The following CTNNA3 variants were observed in gnomAD, a reference collection of about 807,000 sequenced individuals.
CTNNA3 encodes catenin alpha 3, also known as catenin alpha-3.
CTNNA3 carries 76 observed loss-of-function variants against 95.7 expected under a neutral mutation model. The observed-to-expected ratio is 0.79, with a 90% confidence interval of 0.66 to 0.96. The LOEUF is 0.96. Ranked by LOEUF, CTNNA3 falls within the 40% of genes least tolerant of loss-of-function variation. The pLI, the probability that CTNNA3 is intolerant of heterozygous loss-of-function variation, is 0.00. For missense variants in CTNNA3, 1,191 were observed against 1,089.8 expected (o/e 1.09, Z -1.31); for synonymous variants, 431 against 374.4 (o/e 1.15, Z -1.74).
chr10:66,744,765 G>T (rs1237039253), intron 9 of CTNNA3, among the ~76,000 whole-genome samples: 2 of 152,086 alleles, frequency 1.3e-5, no homozygotes, highest in African/African-American at 2.4e-5. Context: ...ATGGCATAGA[G>T]AAAAATAATC....
At chr10:67,064,920 G>A (rs1032852703) in intron 7 of CTNNA3, among the ~76,000 whole-genome samples, 1 of 152,100 alleles carries the variant, frequency 6.6e-6, no homozygotes, top group Non-Finnish European at 1.5e-5. Context: ...GTTATATGAG[G>A]CAAGAAGAAC....
At chr10:66,670,493 T>C (rs1846621812) in intron 9 of CTNNA3, among the ~76,000 whole-genome samples, 1 of 152,084 alleles carries the variant, frequency 6.6e-6, no homozygotes, top group Non-Finnish European at 1.5e-5. Context: ...CCTTCCTCCA[T>C]CTTAAAGGCA....
At chr10:67,007,727 G>A (rs775976484) in intron 7 of CTNNA3, among the ~76,000 whole-genome samples, 11 of 151,372 alleles carry the variant, frequency 7.3e-5, no homozygotes, top group Non-Finnish European at 1.2e-4. Context: ...TAGTAGAAAG[G>A]TTCTATTCCA....
Position 66,958,308 on chromosome 10 carries a change from CAAAAAAA to C in CTNNA3, c.1048-182791_1048-182785del, listed in dbSNP as rs35076056. Among the ~76,000 whole-genome samples, 359 of 86,932 alleles carry C rather than the reference CAAAAAAA, an allele frequency of 4.1e-3. 10 individuals are homozygous for C. The East Asian group carries it at 0.062, about 15-fold the overall frequency. The allele number at this position is 86,932 out of a possible 152,430, so 57.0% of individuals were successfully genotyped here. A position where few individuals can be genotyped will look rare whatever the true frequency, so the allele number is the denominator to read the frequency against. ...TTTTTTTCCTCCACCTGCTTTCTTGCAAAAAAAAAAAAAAAAAAAAAAAAAATGCCTG... is the reference window on the plus strand; with the variant it reads ...TTTTTTTCCTCCACCTGCTTTCTTGCAAAAAAAAAAAAAAAAAAATGCCTG... On this transcript the variant is annotated intron_variant, in intron 7 of 17. Coordinates refer to ENST00000433211, the MANE Select transcript of CTNNA3 (RefSeq NM_013266.4).
chr10:66,950,231 T>G (rs1368218423), intron 7 of CTNNA3, among the ~76,000 whole-genome samples: 1 of 152,178 alleles, frequency 6.6e-6, no homozygotes. Context: ...TCTTCCCCAT[T>G]CAACTCTAAT....
At chr10:65,954,259 T>C (rs1244322851) in intron 17 of CTNNA3, among the ~76,000 whole-genome samples, 1 of 152,252 alleles carries the variant, frequency 6.6e-6, no homozygotes, top group East Asian at 1.9e-4. Flanking sequence ...TAAATTTGTT[T>C]AAGTTCTTTG....
chr10:67,207,246 A>G (rs73262302), intron 6 of CTNNA3, among the ~76,000 whole-genome samples: 7,340 of 152,264 alleles, frequency 0.048, 217 homozygotes, highest in South Asian at 0.11. Context: ...ATGAAATAAT[A>G]AGATCTAGCA....
chr10:66,587,953 C>A (rs1455442596), intron 10 of CTNNA3, among the ~76,000 whole-genome samples: 1 of 152,156 alleles, frequency 6.6e-6, no homozygotes, highest in Non-Finnish European at 1.5e-5. Flanking sequence ...CAGGGTTTAT[C>A]CTCACTCAAG....
chr10:66,524,069 T>A (rs1841162801), intron 10 of CTNNA3, among the ~76,000 whole-genome samples: 1 of 152,162 alleles, frequency 6.6e-6, no homozygotes, highest in African/African-American at 2.4e-5. Context: ...GTGACTGTTT[T>A]TAGAGCTGAA....
At chr10:66,925,971 TGCCCATAATGTTCTTCACCACTG>T in intron 7 of CTNNA3, 1 of 456,318 alleles carries the variant, frequency 2.2e-6, no homozygotes. Flanking sequence ...TTTCTGCACA[TGCCCATAATGTTCTTCACCACTG>T]GGGGCAGCTT....
intron 7 of CTNNA3, among the ~76,000 whole-genome samples, chr10:67,142,600 G>C (rs1860625288): frequency 6.6e-6 from 1 of 152,092 alleles, no homozygotes; most frequent in Non-Finnish European, 1.5e-5. Context: ...TAAGTGTGCG[G>C]AGCATTATGC....
At chr10:67,013,214 C>T (rs926174524) in intron 7 of CTNNA3, among the ~76,000 whole-genome samples, 12 of 151,444 alleles carry the variant, frequency 7.9e-5, no homozygotes, top group African/African-American at 2.2e-4. Flanking sequence ...CTGTCAAATG[C>T]ATCTGGTGTC....
intron 10 of CTNNA3, among the ~76,000 whole-genome samples, chr10:66,580,092 A>G (rs1023056112): frequency 3.3e-5 from 5 of 150,244 alleles, no homozygotes; most frequent in Non-Finnish European, 7.4e-5. Context: ...TTATTTTTCA[A>G]TGGACTGGTT....
intron 9 of CTNNA3, among the ~76,000 whole-genome samples, chr10:66,712,241 A>C (rs1020447977): frequency 6.6e-6 from 1 of 152,172 alleles, no homozygotes; most frequent in African/African-American, 2.4e-5. Flanking sequence ...GATTCACAAT[A>C]AAGACAGGGA....
At chr10:66,094,991 A>T (rs1358670030) in intron 14 of CTNNA3, among the ~76,000 whole-genome samples, 1 of 152,138 alleles carries the variant, frequency 6.6e-6, no homozygotes, top group Non-Finnish European at 1.5e-5. Flanking sequence ...GGAATGTAAG[A>T]GTTTGAGTAG....
chr10:67,278,046 G>C (rs1375210714), intron 5 of CTNNA3, among the ~76,000 whole-genome samples: 1 of 152,012 alleles, frequency 6.6e-6, no homozygotes, highest in Non-Finnish European at 1.5e-5. Flanking sequence ...GTACTTTATG[G>C]ACTCGCCCTG....
intron 9 of CTNNA3, among the ~76,000 whole-genome samples, chr10:66,707,351 A>C (rs1246717109): frequency 6.6e-6 from 1 of 152,034 alleles, no homozygotes; most frequent in Non-Finnish European, 1.5e-5. Flanking sequence ...GCCACAGTGC[A>C]TTTTAGGTAT....
chr10:66,639,961 CCTCT>C lies in CTNNA3; in HGVS notation c.1282-18181_1282-18178del, dbSNP rs148452371. On this transcript the variant is annotated intron_variant, in intron 9 of 17. Transcript: ENST00000433211. ...AATTATACTACGGATGAACTGTGCA[CCTCT>C]CTCTCTCTCTCTGTCTGTATAGCTA... Among the ~76,000 whole-genome samples, 637 of 150,234 alleles carry C rather than the reference CCTCT, an allele frequency of 4.2e-3. 6 individuals carry two copies. The highest frequency in any genetic ancestry group is 0.015 in the African/African-American group (602 of 41,130).
At chr10:66,672,387 C>A (rs1473551012) in intron 9 of CTNNA3, among the ~76,000 whole-genome samples, 1 of 152,078 alleles carries the variant, frequency 6.6e-6, no homozygotes, top group Non-Finnish European at 1.5e-5. Context: ...CCCAAGCCAT[C>A]CTTCCTTTTG....
Sources: allele counts gnomAD v4.1 joint callset (sites outside exome capture counted in the v4.1 genomes callset), GRCh38; gene constraint gnomAD v4.1.1; transcripts MANE v1.5; gene names NCBI Gene and HGNC (gene_info 2026-07-23, HGNC 2026-07-21).